Variants in GGT1 observed in about 807,000 individuals in gnomAD.
GGT1 encodes the protein glutathione hydrolase 1 proenzyme.
GGT1 carries 21 observed loss-of-function variants against 56.0 expected under a neutral mutation model. That is an observed-to-expected ratio of 0.38 (90% CI 0.27 to 0.54). The LOEUF (loss-of-function observed/expected upper bound fraction) is 0.54. Among genes scored for constraint, GGT1 ranks in the 20% least tolerant of loss-of-function variants. The pLI is 0.82. For synonymous variants in GGT1, 238 were observed against 342.6 expected, an observed-to-expected ratio of 0.69 and a Z score of 3.37; for missense variants, 466 against 787.0, an observed-to-expected ratio of 0.59 and a Z score of 4.88.
Position 24,614,796 on chromosome 22 carries a change from G to C in GGT1, c.185G>C (p.Gly62Ala), listed in dbSNP as rs766717298. 1.9e-5 allele frequency: 30 copies of C among 1,613,528 alleles called. No homozygotes were observed. The highest frequency in any genetic ancestry group is 2.5e-5 in the Non-Finnish European group (29 of 1,179,784). The part of the protein sequence containing the change: ...KIGRDALRDG[G>A]SAVDAAIAAL... Reference sequence around the variant, plus strand: ...GGCAGGGATGCACTGCGGGACGGTGGCTCTGCGGTGGATGCAGCCATTGCA... The same window carrying C: ...GGCAGGGATGCACTGCGGGACGGTGCCTCTGCGGTGGATGCAGCCATTGCA... The change falls in exon 6 of 16, where the codon GGC (glycine) becomes GCC (alanine). Residue 62 changes from glycine (G) to alanine (A), a missense_variant. Gly to Ala is a moderately conservative substitution (Grantham distance 60, BLOSUM62 0). This residue lies in a region of GGT1 where 456 missense variants were observed against 716.7 expected (regional missense o/e 0.64). Coordinates refer to ENST00000400382, the MANE Select transcript of GGT1 (RefSeq NM_001288833.2).
At chr22:24,592,317 G>C (rs1312957013), upstream of GGT1, 6 of 470,048 alleles carry the variant, frequency 1.3e-5, no homozygotes, top group Non-Finnish European at 2.2e-5. Context: ...TTGGAGAACT[G>C]GTGATGCATG....
chr22:24,601,993 G>C (rs1178545627), upstream of GGT1, among the ~76,000 whole-genome samples: 10 of 152,186 alleles, frequency 6.6e-5, no homozygotes, highest in Admixed American at 6.5e-5. Context: ...GAGTGAGCCA[G>C]GGTTAATGGG....
At chr22:24,590,554 C>T (rs1411947361), upstream of GGT1, among the ~76,000 whole-genome samples, 1 of 152,130 alleles carries the variant, frequency 6.6e-6, no homozygotes, top group Non-Finnish European at 1.5e-5. Context: ...TAGGACTTGT[C>T]AGTGGGATTC....
chr22:24,610,743 A>G (rs4049890), intron 4 of GGT1, among the ~76,000 whole-genome samples: 37,118 of 119,018 alleles, frequency 0.31, 7,966 homozygotes, highest in Middle Eastern at 0.42. Flanking sequence ...CAGCCACTGT[A>G]AGGAGGTAGG....
In GGT1 at chr22:24,628,650, A is replaced by C. The variant is rs1466725839; in HGVS notation, c.1564-43A>C. ...ACCACACAGATGTGGTTCAGGTGGC[A>C]TCTGGAGCCCTGCTCAGGCTTCCCC... On this transcript the variant is annotated intron_variant, in intron 15 of 15. Transcript: ENST00000400382. This position sits in a 1 kb window ranked among gnomAD's most constrained non-coding sequence, Gnocchi z 5.7. 1.2e-5 allele frequency: 19 copies of C among 1,610,968 alleles called. No homozygotes were observed. The East Asian group carries it at 4.0e-4, about 34-fold the overall frequency.
intron 11 of GGT1, among the ~76,000 whole-genome samples, chr22:24,625,782 G>T (rs1234991127): frequency 6.6e-6 from 1 of 150,904 alleles, no homozygotes; most frequent in Non-Finnish European, 1.5e-5. Context: ...GCCTGCCTCG[G>T]CCTCCCAAAG....
chr22:24,585,753 G>C, the GGT1 span: 2 of 1,009,402 alleles, frequency 2.0e-6, no homozygotes, highest in South Asian at 3.4e-5. Flanking sequence ...CCATTCTTCT[G>C]TCCCCTTAAT....
intron 5 of GGT1, among the ~76,000 whole-genome samples, chr22:24,612,369 T>C (rs1312800494): frequency 6.6e-6 from 1 of 151,430 alleles, no homozygotes; most frequent in Non-Finnish European, 1.5e-5. Flanking sequence ...TTGTTACATA[T>C]GTACATATGT....
chr22:24,625,620 T>C (rs2096529), intron 11 of GGT1, among the ~76,000 whole-genome samples: 5 of 151,342 alleles, frequency 3.3e-5, no homozygotes, highest in South Asian at 2.1e-4. Flanking sequence ...CGGCTCACTG[T>C]AAGCTCCGCC....
the GGT1 span, chr22:24,585,976 G>A: frequency 1.9e-6 from 3 of 1,610,322 alleles, no homozygotes; most frequent in Non-Finnish European, 2.5e-6. Context: ...CGGCCGCACT[G>A]CCCTCAGGCT....
chr22:24,618,930 G>C (rs910668294), intron 7 of GGT1, among the ~76,000 whole-genome samples: 3 of 152,098 alleles, frequency 2.0e-5, no homozygotes, highest in African/African-American at 7.2e-5. Context: ...AGGCCCAGGG[G>C]TGTGTTTCCA....
At chr22:24,622,995 C>T (rs373797437) in intron 9 of GGT1, 112 bp from the exon 10 acceptor site, 1 of 1,324,466 alleles carries the variant, frequency 7.6e-7, no homozygotes, top group Non-Finnish European at 1.1e-6. Context: ...AGGCTTTTCC[C>T]CACCACCATG....
rs1200190175 is a variant in GGT1 at position 24,611,223 on chromosome 22, A to G, written c.142A>G (p.Lys48Glu). ...CAGGGCTGCCGTGGCCGCGGATGCC[A>G]AGCAGTGCTCGAAGATTGGGAGGTG... ...YTRAAVAADA[K>E]QCSKIGRDAL... Residue 48 changes from lysine to glutamate, a missense_variant, in exon 5 of 16, where the codon AAG becomes GAG. Lys to Glu is a moderately conservative substitution (Grantham distance 56). Coordinates refer to ENST00000400382, the MANE Select transcript of GGT1 (RefSeq NM_001288833.2). 2.6e-6 allele frequency: 4 copies of G among 1,566,910 alleles called. No homozygotes were observed. The highest frequency in any genetic ancestry group is 2.6e-6 in the Non-Finnish European group (3 of 1,155,378).
chr22:24,585,127 C>T, the GGT1 span, among the ~76,000 whole-genome samples: 2 of 152,272 alleles, frequency 1.3e-5, no homozygotes, highest in African/African-American at 2.4e-5. Flanking sequence ...AGCTGCCCCT[C>T]GCCAAGTACA....
chr22:24,626,923 CT>C (rs1428410113), intron 11 of GGT1, among the ~76,000 whole-genome samples: 1 of 149,980 alleles, frequency 6.7e-6, no homozygotes, highest in Non-Finnish European at 1.5e-5. Flanking sequence ...GCCTCAGGGC[CT>C]TTGCACTGAC....
the GGT1 span, among the ~76,000 whole-genome samples, chr22:24,586,988 G>C: frequency 6.6e-6 from 1 of 152,216 alleles, no homozygotes; most frequent in Non-Finnish European, 1.5e-5. Context: ...TGTGTGCCCA[G>C]CATCCCACAC....
intron 2 of GGT1, chr22:24,609,314 G>A (rs538774040): frequency 1.3e-5 from 2 of 152,348 alleles, no homozygotes; most frequent in Admixed American, 6.5e-5. Flanking sequence ...TCAGGCTGTG[G>A]TGGTCACGGT....
the GGT1 span, among the ~76,000 whole-genome samples, chr22:24,584,783 T>TC: frequency 2.0e-5 from 3 of 151,604 alleles, no homozygotes; most frequent in Non-Finnish European, 2.9e-5. Context: ...GGCCTCAGTA[T>TC]CCCCCCGGAC....
chr22:24,628,418 A>G lies in GGT1; in HGVS notation c.1563+30A>G, dbSNP rs199498939. ...GCCGGGGGTTGGAGAAACTGAGTCA[A>G]GGTGTGGGGCCCCAGGGCATCCTGG... On this transcript the variant is annotated intron_variant, in intron 15 of 15. Transcript: ENST00000400382. This position sits in a 1 kb window ranked among gnomAD's most constrained non-coding sequence, Gnocchi z 5.7. 20 of 1,600,634 alleles carry G rather than the reference A, an allele frequency of 1.2e-5. 1 individual carries two copies. The highest frequency in any genetic ancestry group is 6.7e-5 in the Admixed American group (4 of 59,714).
Sources: gnomAD v4.1 joint callset for allele counts (sites outside exome capture counted in the v4.1 genomes callset) on GRCh38, gnomAD v4.1.1 for gene constraint, gnomAD v4.1.1 regional missense constraint, Gnocchi (gnomAD v3.1) non-coding constraint, MANE v1.5 for transcripts, NCBI Gene and HGNC (gene_info 2026-07-23, HGNC 2026-07-21) for gene names.